SF3B2: variants seen among roughly 807,000 people sequenced by gnomAD.
The protein encoded by SF3B2 is SAP 145.
Under a neutral mutation model 116.3 loss-of-function variants are expected in SF3B2, and 22 were observed. The ratio of observed to expected loss-of-function variants is 0.19; its 90% CI spans 0.14 to 0.27. SF3B2 has a LOEUF of 0.27. Among genes scored for constraint, SF3B2 ranks in the 10% least tolerant of loss-of-function variants. The pLI is 1.00. For synonymous variants in SF3B2, 406 were observed against 421.6 expected, an observed-to-expected ratio of 0.96 and a Z score of 0.45; for missense variants, 767 against 1,151.4, an observed-to-expected ratio of 0.67 and a Z score of 4.83.
Position 66,062,247 on chromosome 11 carries a change from A to G in SF3B2, c.1977+249A>G, listed in dbSNP as rs374129079. On this transcript the variant is annotated intron_variant, in intron 16 of 21. Transcript: ENST00000322535. ...ATTGACAAGTACAAAGATGAAAGCA[A>G]GTCACAATTTTACCACTCAGAAATA... 2.5e-4 allele frequency among the ~76,000 whole-genome samples: 38 copies of G among 152,370 alleles called. 1 individual carries two copies. The highest frequency in any genetic ancestry group is 8.2e-4 in the African/African-American group (34 of 41,594).
Position 66,060,027 on chromosome 11 carries a change from C to T in SF3B2, c.1629+18C>T, listed in dbSNP as rs759811907. On this transcript the variant is annotated intron_variant, in intron 13 of 21. Transcript: ENST00000322535. Reference sequence around the variant, plus strand: ...AGGAGAAGGTGAGGGCCTGGCAGGGCTCAGACCTGCCCCCGGGTGTCCCCA... The same window carrying T: ...AGGAGAAGGTGAGGGCCTGGCAGGGTTCAGACCTGCCCCCGGGTGTCCCCA... The T allele has an allele frequency of 5.0e-6, 8 of 1,608,866 alleles. No individual in the cohort carries two copies. The highest frequency in any genetic ancestry group is 4.2e-6 in the Non-Finnish European group (5 of 1,176,736).
chr11:66,052,775 A>G, intron 2 of SF3B2, 56 bp downstream of exon 2: 2 of 1,510,484 alleles, frequency 1.3e-6, no homozygotes, highest in Non-Finnish European at 1.8e-6. Context: ...GAGACCTTAT[A>G]TACCCCATCA....
chr11:66,059,647 T>C lies in SF3B2; in HGVS notation c.1401+52T>C, dbSNP rs745467600. The C allele has an allele frequency of 1.9e-6, 3 of 1,599,340 alleles. No individual in the cohort carries two copies. The African/African-American group carries it at 4.0e-5, about 21-fold the overall frequency. On this transcript the variant is annotated intron_variant, in intron 12 of 21. Coordinates refer to ENST00000322535, the MANE Select transcript of SF3B2 (RefSeq NM_006842.3). The surrounding 1 kb of genome is among the most constrained non-coding windows in gnomAD (Gnocchi z 5.0). ...CCTGGAGCCCAGCTGGGAGACCACCTGGGGAGCCAGGGAGGTGAAAAGGAG... is the reference window on the plus strand; with the variant it reads ...CCTGGAGCCCAGCTGGGAGACCACCCGGGGAGCCAGGGAGGTGAAAAGGAG...
chr11:66,062,914 T>C, intron 16 of SF3B2, 95 bp from the exon 17 acceptor site: 1 of 669,036 alleles, frequency 1.5e-6, no homozygotes, highest in Non-Finnish European at 2.4e-6. Flanking sequence ...AGTTCCCAAG[T>C]ATCAGCTCTG....
Position 66,067,946 on chromosome 11 carries a change from A to C in SF3B2, c.2331A>C (p.Gly777=). ...GGCCTGATCCCATTGTCCTTCGCAG[A>C]AGTGAGACACCTCAGCTCTTCACTG... ...RKKKIEEAMD[G]SETPQLFTVL... Residue 777 remains glycine, a splice_region_variant and synonymous_variant, in exon 20 of 22, where the codon GGA becomes GGC. Transcript: ENST00000322535. 6.2e-7 allele frequency: 1 copy of C among 1,613,328 alleles called. No homozygotes were observed. Among genetic ancestry groups the C allele is most frequent in the Non-Finnish European group, 8.5e-7 (1 of 1,179,712 alleles).
Position 66,068,849 on chromosome 11 carries a change from T to C in SF3B2, c.*104T>C. On this transcript the variant is annotated 3_prime_UTR_variant, in exon 22 of 22. Transcript: ENST00000322535. ...CCCAAGGACTTGTCATTTCATGTTCTTATTTTAGACCTGTTTTGTAAATAA... is the reference window on the plus strand; with the variant it reads ...CCCAAGGACTTGTCATTTCATGTTCCTATTTTAGACCTGTTTTGTAAATAA... 1.1e-6 allele frequency: 1 copy of C among 894,906 alleles called. No homozygotes were observed. Among genetic ancestry groups the C allele is most frequent in the East Asian group, 2.5e-5 (1 of 40,814 alleles). 55.4% of individuals were successfully genotyped at this position (894,906 alleles called of 1,614,324 possible).
intron 3 of SF3B2, 41 bp from the exon 4 acceptor site, chr11:66,055,035 G>A: frequency 6.7e-7 from 1 of 1,496,026 alleles, no homozygotes; most frequent in Non-Finnish European, 8.9e-7. Flanking sequence ...AGAATGAGTA[G>A]ATAAATGCTT....
Position 66,059,518 on chromosome 11 carries a change from A to G in SF3B2, c.1324A>G (p.Lys442Glu), listed in dbSNP as rs1178499528. 1 of 1,614,054 alleles carries G rather than the reference A, an allele frequency of 6.2e-7. No homozygotes were observed. Among genetic ancestry groups the G allele is most frequent in the Admixed American group, 1.7e-5 (1 of 60,006 alleles). ...DDDSSDDEQE[K>E]KPEAPKLSKK... is the part of the protein sequence containing the mutation. ...AGGGCTGATTGTTCTGTTCTAGGAA[A>G]AGAAGCCAGAAGCCCCCAAGCTGTC... The change falls in exon 12 of 22, where the codon AAG becomes GAG. Residue 442 changes from lysine to glutamate, a missense_variant. This residue lies in a region of SF3B2 where 282 missense variants were observed against 568.0 expected (regional missense o/e 0.50). Transcript: ENST00000322535. This position sits in a 1 kb window ranked among gnomAD's most constrained non-coding sequence, Gnocchi z 5.0.
At chr11:66,058,459 G>A (rs1224386132) in intron 9 of SF3B2, 54 bp downstream of exon 9, 16 of 1,370,732 alleles carry the variant, frequency 1.2e-5, no homozygotes, top group Admixed American at 5.1e-5. Context: ...ACTTGGGTAC[G>A]GAAATAACAC....
Position 66,068,130 on chromosome 11 carries a change from C to T in SF3B2, c.2431-18C>T. ...CTCTGACTCTTTGGAGATGACCAGG[C>T]CCTGATCTCCTTTCCAGGTTATGAG... On this transcript the variant is annotated intron_variant, in intron 20 of 21. Transcript: ENST00000322535. 1 of 1,613,540 alleles carries T rather than the reference C, an allele frequency of 6.2e-7. No homozygotes were observed. The highest frequency in any genetic ancestry group is 8.5e-7 in the Non-Finnish European group (1 of 1,179,782).
At chr11:66,058,490 G>A in intron 9 of SF3B2, 85 bp downstream of exon 9, 1 of 1,028,720 alleles carries the variant, frequency 9.7e-7, no homozygotes, top group South Asian at 1.4e-5. Flanking sequence ...TGTTCAGTAA[G>A]TAATAGCTTC....
chr11:66,055,528 T>C lies in SF3B2; in HGVS notation c.499-7T>C. The C allele has an allele frequency of 6.2e-7, 1 of 1,614,216 alleles. No homozygotes were observed. The highest frequency in any genetic ancestry group is 8.5e-7 in the Non-Finnish European group (1 of 1,180,028). On this transcript the variant is annotated splice_region_variant and splice_polypyrimidine_tract_variant and intron_variant, in intron 4 of 21. Transcript: ENST00000322535. The stretch of plus-strand genomic sequence containing the variant: ...GGTGCTGGTATGAACTTGTTTTCTT[T>C]TTTAAGCAGGGAGATCATTCGCTGA...
At chr11:66,054,179 C>CA (rs34155501) in intron 3 of SF3B2, among the ~76,000 whole-genome samples, 41,823 of 105,254 alleles carry the variant, frequency 0.4, 6,819 homozygotes, top group East Asian at 0.59. Context: ...GAGACTGTCT[C>CA]AAAAAAAAAA....
chr11:66,060,450 A>G (rs940222161), intron 13 of SF3B2, 132 bp from the exon 14 acceptor site: 16 of 1,061,112 alleles, frequency 1.5e-5, no homozygotes, highest in Non-Finnish European at 2.2e-5. Context: ...AGGTTTTAGC[A>G]GGAAGGATTT....
chr11:66,066,720 C>T (rs1304359396), intron 19 of SF3B2: 2 of 152,390 alleles, frequency 1.3e-5, no homozygotes, highest in Non-Finnish European at 1.5e-5. Context: ...ATTCCCAGTT[C>T]TGAGTGAGCA....
chr11:66,063,204 G>A, intron 17 of SF3B2, 88 bp downstream of exon 17: 5 of 1,123,144 alleles, frequency 4.5e-6, no homozygotes, highest in East Asian at 4.8e-5. Flanking sequence ...AGGGAGTTGT[G>A]TGTTCTGACA....
intron 17 of SF3B2, 103 bp from the exon 18 acceptor site, chr11:66,063,297 G>A: frequency 1.7e-6 from 2 of 1,199,080 alleles, no homozygotes; most frequent in Non-Finnish European, 2.3e-6. Flanking sequence ...AGGTAGGTAG[G>A]GATTATTGTG....
At chr11:66,055,745 AT>A (rs1194261501) in intron 5 of SF3B2, 160 bp downstream of exon 5, 3 of 647,088 alleles carry the variant, frequency 4.6e-6, no homozygotes, top group Non-Finnish European at 8.0e-6. Flanking sequence ...AAGTTCAGGA[AT>A]TGACAAACTA....
intron 19 of SF3B2, chr11:66,065,862 T>C (rs931939973): frequency 2.6e-5 from 4 of 152,180 alleles, no homozygotes; most frequent in Non-Finnish European, 1.5e-5. Flanking sequence ...ATAACAATAT[T>C]TTATTTTTAT....
Sources: gnomAD v4.1 joint callset for allele counts (sites outside exome capture counted in the v4.1 genomes callset) on GRCh38, gnomAD v4.1.1 for gene constraint, gnomAD v4.1.1 regional missense constraint, Gnocchi (gnomAD v3.1) non-coding constraint, MANE v1.5 for transcripts, NCBI Gene and HGNC (gene_info 2026-07-23, HGNC 2026-07-21) for gene names.